The following NECTIN3 variants were observed in gnomAD, a reference collection of about 807,000 sequenced individuals.
NECTIN3 encodes nectin-3.
NECTIN3 carries 8 observed loss-of-function variants against 49.4 expected under a neutral mutation model. The observed-to-expected ratio is 0.16, with a 90% CI of 0.10 to 0.29. NECTIN3 has a LOEUF of 0.29. Among genes scored for constraint, NECTIN3 ranks in the 10% least tolerant of loss-of-function variants. The pLI, the probability that NECTIN3 is intolerant of heterozygous loss-of-function variation, is 1.00. For missense variants in NECTIN3, 581 were observed against 654.6 expected, an observed-to-expected ratio of 0.89 and a Z score of 1.23; for synonymous variants, 277 against 241.1, an observed-to-expected ratio of 1.15 and a Z score of -1.38.
upstream of NECTIN3, chr3:111,192,258 G>C: frequency 2.6e-6 from 3 of 1,139,358 alleles, no homozygotes; most frequent in Non-Finnish European, 3.8e-6. Flanking sequence ...TTTATAACAA[G>C]ACATGATTGG....
chr3:111,074,298 A>C (rs2107346576), intron 1 of NECTIN3: 1 of 455,872 alleles, frequency 2.2e-6, no homozygotes, highest in Non-Finnish European at 4.4e-6. Context: ...TGTTTTAGTT[A>C]ATAGAGTTAT....
intron 7 of NECTIN3, among the ~76,000 whole-genome samples, chr3:111,155,500 G>A (rs972812021): frequency 6.6e-6 from 1 of 152,196 alleles, no homozygotes; most frequent in African/African-American, 2.4e-5. Flanking sequence ...CGATGTTTAT[G>A]TGTTGGGAGC....
At chr3:111,117,306 G>A (rs1444387900) in intron 2 of NECTIN3, among the ~76,000 whole-genome samples, 3 of 152,050 alleles carry the variant, frequency 2.0e-5, no homozygotes, top group Admixed American at 2.0e-4. Flanking sequence ...GTTTAGATTT[G>A]CATGTGTTGG....
chr3:111,138,604 G>T (rs888709506), downstream of NECTIN3, among the ~76,000 whole-genome samples: 17 of 151,446 alleles, frequency 1.1e-4, no homozygotes, highest in African/African-American at 4.1e-4. Context: ...GAACCTTCGT[G>T]ACAGTTATGT....
intron 1 of NECTIN3, among the ~76,000 whole-genome samples, chr3:111,095,729 T>C (rs2032546313): frequency 6.6e-6 from 1 of 152,166 alleles, no homozygotes; most frequent in Admixed American, 6.5e-5. Flanking sequence ...TGAGATCTGA[T>C]GGTTTTACAA....
chr3:111,098,955 C>G (rs1056406429), intron 1 of NECTIN3, among the ~76,000 whole-genome samples: 1 of 150,522 alleles, frequency 6.6e-6, no homozygotes, highest in African/African-American at 2.5e-5. Flanking sequence ...GATGAGCAAA[C>G]AAACTTAATT....
At chr3:111,182,495 G>A (rs540918573) in intron 7 of NECTIN3, among the ~76,000 whole-genome samples, 1 of 151,872 alleles carries the variant, frequency 6.6e-6, no homozygotes, top group African/African-American at 2.4e-5. Flanking sequence ...ATATATTTTT[G>A]TAGTTCTCTT....
At chr3:111,083,318 C>A (rs2031739421) in intron 1 of NECTIN3, among the ~76,000 whole-genome samples, 1 of 152,140 alleles carries the variant, frequency 6.6e-6, no homozygotes, top group South Asian at 2.1e-4. Context: ...CCTTCTCCCC[C>A]AAATCCATAT....
intron 4 of NECTIN3, among the ~76,000 whole-genome samples, chr3:111,125,400 T>C (rs562589603): frequency 6.6e-6 from 1 of 152,304 alleles, no homozygotes; most frequent in East Asian, 1.9e-4. Flanking sequence ...ATTTGTTGTT[T>C]TTTTTGTTAC....
chr3:111,114,327 T>C (rs1329971834), intron 2 of NECTIN3, among the ~76,000 whole-genome samples: 1 of 152,154 alleles, frequency 6.6e-6, no homozygotes, highest in African/African-American at 2.4e-5. Flanking sequence ...TCCGTGTAAC[T>C]ATTATTCATC....
intron 7 of NECTIN3, among the ~76,000 whole-genome samples, chr3:111,162,062 C>T (rs760964881): frequency 1.3e-5 from 2 of 152,078 alleles, no homozygotes; most frequent in African/African-American, 4.8e-5. Context: ...ATCCCAACCC[C>T]TTAGGATCCC....
chr3:111,116,074 A>T (rs1173810888), intron 2 of NECTIN3, among the ~76,000 whole-genome samples: 1 of 152,174 alleles, frequency 6.6e-6, no homozygotes, highest in South Asian at 2.1e-4. Context: ...AAAATTGGGG[A>T]AAGTTCAGAA....
At chr3:111,144,749 CTAAACCTAATGAA>C in intron 5 of NECTIN3, 1 of 782,394 alleles carries the variant, frequency 1.3e-6, no homozygotes. Flanking sequence ...CATAATGCCA[CTAAACCTAATGAA>C]TGAAATTTGG....
intron 7 of NECTIN3, among the ~76,000 whole-genome samples, chr3:111,157,868 A>C (rs1476159736): frequency 1.3e-5 from 2 of 152,058 alleles, no homozygotes; most frequent in African/African-American, 4.8e-5. Context: ...CTACATAGAT[A>C]TCTTCATGTG....
At position 111,135,450 on chromosome 3, in the gene NECTIN3, G is replaced by A. The variant is rs2034544964; in HGVS notation, c.*1235G>A. Reference sequence around the variant, plus strand: ...TCTGAATCATTTATCTTTTGAGAAAGAAATGTTACCTAAACTTCAAATGTG... The same window carrying A: ...TCTGAATCATTTATCTTTTGAGAAAAAAATGTTACCTAAACTTCAAATGTG... On this transcript the variant is annotated 3_prime_UTR_variant, in exon 6 of 6. Transcript: ENST00000485303. 8 of 941,604 alleles carry A rather than the reference G, an allele frequency of 8.5e-6. No homozygotes were observed. The highest frequency in any genetic ancestry group is 1.0e-5 in the Non-Finnish European group (8 of 790,322). The allele number at this position is 941,604 out of a possible 1,614,324, so 58.3% of individuals were successfully genotyped here. A position where few individuals can be genotyped will look rare whatever the true frequency, so the allele number is the denominator to read the frequency against.
chr3:111,167,846 G>A (rs1358131264), intron 7 of NECTIN3, among the ~76,000 whole-genome samples: 1 of 152,074 alleles, frequency 6.6e-6, no homozygotes, highest in African/African-American at 2.4e-5. Flanking sequence ...AAAAAGATTA[G>A]GACAGCATTA....
At chr3:111,157,965 T>C (rs2035131881) in intron 7 of NECTIN3, among the ~76,000 whole-genome samples, 1 of 152,126 alleles carries the variant, frequency 6.6e-6, no homozygotes, top group East Asian at 1.9e-4. Context: ...ACCAACACTA[T>C]TCTGTAGATG....
Position 111,135,978 on chromosome 3 carries a change from TC to T in NECTIN3, c.*1764del. ...AATGTCTGGGTTTTAATATGGTTAA[TC>T]ACTTATATACAAATATTACAACTTT... On this transcript the variant is annotated 3_prime_UTR_variant, in exon 6 of 6. Coordinates refer to ENST00000485303, the MANE Select transcript of NECTIN3 (RefSeq NM_015480.3). 1 of 947,932 alleles carries T rather than the reference TC, an allele frequency of 1.1e-6. No homozygotes were observed. The highest frequency in any genetic ancestry group is 1.3e-6 in the Non-Finnish European group (1 of 796,180). The allele number at this position is 947,932 out of a possible 1,614,324, so 58.7% of individuals were successfully genotyped here.
chr3:111,072,630 A>C, intron 1 of NECTIN3: 93 of 1,477,174 alleles, frequency 6.3e-5, no homozygotes, highest in Middle Eastern at 1.7e-4. Context: ...TCCACTTCTC[A>C]TGGCCTTCCA....
Sources: allele counts gnomAD v4.1 joint callset (sites outside exome capture counted in the v4.1 genomes callset), GRCh38; gene constraint gnomAD v4.1.1; transcripts MANE v1.5; gene names NCBI Gene and HGNC (gene_info 2026-07-23, HGNC 2026-07-21).